TRDN: variants seen among roughly 807,000 people sequenced by gnomAD.
TRDN encodes triadin, also known as triadin in skeletal muscle.
A neutral mutation model predicts 149.7 loss-of-function variants in TRDN; 161 were observed. The observed-to-expected ratio is 1.08, with a 90% CI of 0.95 to 1.23. The LOEUF (loss-of-function observed/expected upper bound fraction) is 1.23, where lower values mean the gene tolerates loss of function less well. Ranked by LOEUF, TRDN falls within the 50% of genes most tolerant of loss-of-function variation. The pLI, the probability that TRDN is intolerant of heterozygous loss-of-function variation, is 0.00. For missense variants in TRDN, 896 were observed against 823.5 expected (o/e 1.09, Z -1.08); for synonymous variants, 294 against 250.5 (o/e 1.17, Z -1.64).
At chr6:123,537,853 T>C (rs1780628504) in intron 4 of TRDN, among the ~76,000 whole-genome samples, 1 of 152,234 alleles carries the variant, frequency 6.6e-6, no homozygotes, top group Non-Finnish European at 1.5e-5. Context: ...ATTACATGTG[T>C]TTTGCTTATG....
intron 9 of TRDN, among the ~76,000 whole-genome samples, chr6:123,490,843 G>A (rs767829274): frequency 2.6e-5 from 4 of 152,182 alleles, no homozygotes; most frequent in South Asian, 2.1e-4. Flanking sequence ...AGTGGCTCAC[G>A]CCTGTAATCC....
chr6:123,257,444 G>C (rs528247031), intron 35 of TRDN, among the ~76,000 whole-genome samples: 56 of 152,280 alleles, frequency 3.7e-4, no homozygotes, highest in African/African-American at 1.3e-3. Context: ...TCAAAGATCA[G>C]ATGGTTGTAG....
At chr6:123,232,576 G>A (rs1294031526) in intron 38 of TRDN, among the ~76,000 whole-genome samples, 1 of 151,958 alleles carries the variant, frequency 6.6e-6, no homozygotes, top group African/African-American at 2.4e-5. Flanking sequence ...AGAGGTAGGA[G>A]AAACTCTTAT....
intron 10 of TRDN, among the ~76,000 whole-genome samples, chr6:123,463,261 C>T (rs1459649445): frequency 1.3e-5 from 2 of 151,182 alleles, no homozygotes; most frequent in African/African-American, 4.9e-5. Context: ...GGCGTGAACC[C>T]GGGAGGCGGA....
At chr6:123,310,191 A>C (rs888046142) in intron 24 of TRDN, among the ~76,000 whole-genome samples, 3 of 152,020 alleles carry the variant, frequency 2.0e-5, no homozygotes, top group African/African-American at 7.2e-5. Flanking sequence ...GTGCAATATC[A>C]TAAACCTTGA....
chr6:123,228,429 C>T (rs901566834), intron 38 of TRDN, among the ~76,000 whole-genome samples: 1 of 151,908 alleles, frequency 6.6e-6, no homozygotes, highest in Non-Finnish European at 1.5e-5. Flanking sequence ...GAAGAGGCCT[C>T]AGGAAACTTA....
intron 5 of TRDN, among the ~76,000 whole-genome samples, chr6:123,523,771 A>C (rs1206353605): frequency 6.6e-6 from 1 of 152,164 alleles, no homozygotes; most frequent in Admixed American, 6.6e-5. Flanking sequence ...AGTCTATGGC[A>C]GGAACTAAAA....
intron 24 of TRDN, among the ~76,000 whole-genome samples, chr6:123,312,940 G>A (rs374272615): frequency 3.3e-5 from 5 of 151,914 alleles, no homozygotes; most frequent in African/African-American, 1.2e-4. Flanking sequence ...CATAATATAT[G>A]TTTTCAATAA....
intron 5 of TRDN, chr6:123,528,841 C>A: frequency 9.9e-7 from 1 of 1,008,934 alleles, no homozygotes; most frequent in Non-Finnish European, 1.2e-6. Context: ...TGATTTCCAG[C>A]TCAGTGTGGA....
chr6:123,431,844 C>T (rs538164364), intron 12 of TRDN, among the ~76,000 whole-genome samples: 2 of 152,218 alleles, frequency 1.3e-5, no homozygotes, highest in African/African-American at 4.8e-5. Flanking sequence ...AAGTAAAATA[C>T]ATAATATTCT....
intron 7 of TRDN, among the ~76,000 whole-genome samples, chr6:123,505,703 C>CTT (rs930862671): frequency 1.4e-5 from 2 of 145,690 alleles, no homozygotes; most frequent in African/African-American, 2.5e-5. Flanking sequence ...ACTCTATAAA[C>CTT]TTTTTTTTTT....
intron 10 of TRDN, among the ~76,000 whole-genome samples, chr6:123,456,625 T>C (rs905987056): frequency 2.0e-5 from 3 of 152,094 alleles, no homozygotes; most frequent in Admixed American, 1.3e-4. Context: ...TATGCCTCCA[T>C]GCCCGGCTAA....
At chr6:123,456,182 C>G (rs1776107835) in intron 10 of TRDN, among the ~76,000 whole-genome samples, 1 of 152,084 alleles carries the variant, frequency 6.6e-6, no homozygotes, top group South Asian at 2.1e-4. Flanking sequence ...ATGTGTAAGT[C>G]TGATTTTCAA....
At chr6:123,255,149 T>C in intron 36 of TRDN, 24 bp from the exon 37 acceptor site, 1 of 1,082,720 alleles carries the variant, frequency 9.2e-7, no homozygotes, top group African/African-American at 1.6e-5. Context: ...AAATGTAAAT[T>C]AAAATATAAA....
intron 24 of TRDN, among the ~76,000 whole-genome samples, chr6:123,312,226 A>C (rs1778851139): frequency 6.6e-6 from 1 of 151,954 alleles, no homozygotes; most frequent in East Asian, 1.9e-4. Flanking sequence ...ATGAAAAAGC[A>C]AAAAAGTTAG....
At chr6:123,570,772 T>C (rs1782531749) in intron 2 of TRDN, 151 bp downstream of exon 2, 1 of 654,146 alleles carries the variant, frequency 1.5e-6, no homozygotes, top group Admixed American at 3.0e-5. Flanking sequence ...AAGGGAAGAA[T>C]GAAACAGATT....
intron 4 of TRDN, among the ~76,000 whole-genome samples, chr6:123,545,429 A>T (rs1351562972): frequency 6.6e-6 from 1 of 151,936 alleles, no homozygotes; most frequent in Non-Finnish European, 1.5e-5. Flanking sequence ...ATGAAAGAAA[A>T]GCTTACACAT....
At chr6:123,473,668 G>C (rs896713004) in intron 9 of TRDN, among the ~76,000 whole-genome samples, 172 of 151,100 alleles carry the variant, frequency 1.1e-3, no homozygotes, top group Non-Finnish European at 2.1e-3. Context: ...TGAAATGAAG[G>C]AAAAAATGTT....
chr6:123,519,783 C>T (rs890984340), intron 5 of TRDN, among the ~76,000 whole-genome samples: 27 of 151,128 alleles, frequency 1.8e-4, no homozygotes, highest in Non-Finnish European at 2.7e-4. Flanking sequence ...TCATTATTAA[C>T]AGAAAAAATC....
Sources: allele counts gnomAD v4.1 joint callset (sites outside exome capture counted in the v4.1 genomes callset), GRCh38; gene constraint gnomAD v4.1.1; transcripts MANE v1.5; gene names NCBI Gene and HGNC (gene_info 2026-07-23, HGNC 2026-07-21).